CNTN4: variants seen among roughly 807,000 people sequenced by gnomAD.
CNTN4 encodes the protein contactin 4.
A neutral mutation model predicts 122.5 loss-of-function variants in CNTN4; 77 were observed. The ratio of observed to expected loss-of-function variants is 0.63; its 90% CI spans 0.52 to 0.76. The LOEUF (loss-of-function observed/expected upper bound fraction) is 0.76. CNTN4 is among the 30% of genes least tolerant of loss of function. The probability of loss-of-function intolerance (pLI) is 0.00; values close to 1 mark genes in which losing one functional copy is unlikely to be tolerated. For missense variants in CNTN4, 1,256 were observed against 1,259.1 expected (o/e 1.00, Z 0.04); for synonymous variants, 512 against 447.0 (o/e 1.15, Z -1.83).
intron 14 of CNTN4, among the ~76,000 whole-genome samples, chr3:3,013,744 A>C (rs576586805): frequency 1.2e-4 from 18 of 152,282 alleles, no homozygotes; most frequent in African/African-American, 4.3e-4. Context: ...TGCCTTGTAC[A>C]TCTTGCCTGC....
At chr3:2,708,630 C>G (rs903753110) in intron 4 of CNTN4, among the ~76,000 whole-genome samples, 1 of 152,066 alleles carries the variant, frequency 6.6e-6, no homozygotes, top group Non-Finnish European at 1.5e-5. Flanking sequence ...TATTCAAAAC[C>G]TTAAATCTGG....
chr3:2,249,541 A>C (rs76702624), intron 2 of CNTN4, among the ~76,000 whole-genome samples: 3,127 of 151,976 alleles, frequency 0.021, 111 homozygotes, highest in African/African-American at 0.071. Context: ...GGGCCAAATA[A>C]TCTAGCTTGT....
intron 2 of CNTN4, among the ~76,000 whole-genome samples, chr3:2,284,911 A>G (rs2149929426): frequency 6.6e-6 from 1 of 152,058 alleles, no homozygotes; most frequent in African/African-American, 2.4e-5. Flanking sequence ...CCACAGGGAG[A>G]TGACTTGAAA....
intron 10 of CNTN4, among the ~76,000 whole-genome samples, chr3:2,898,941 G>A (rs1463927986): frequency 6.6e-6 from 1 of 152,166 alleles, no homozygotes; most frequent in East Asian, 1.9e-4. Flanking sequence ...GGAAGATAAA[G>A]AACAAGGAAG....
intron 3 of CNTN4, among the ~76,000 whole-genome samples, chr3:2,526,519 C>T (rs974628998): frequency 6.6e-6 from 1 of 152,048 alleles, no homozygotes; most frequent in Admixed American, 6.6e-5. Flanking sequence ...AATGTGAAAA[C>T]TTACATAGTA....
At chr3:2,423,480 GT>G (rs199622494) in intron 3 of CNTN4, among the ~76,000 whole-genome samples, 3,180 of 114,152 alleles carry the variant, frequency 0.028, 77 homozygotes, top group African/African-American at 0.088. Context: ...GTGAAAACTT[GT>G]TTTTTTTTTT....
chr3:2,164,245 CAACA>C (rs2036096286), intron 2 of CNTN4, among the ~76,000 whole-genome samples: 1 of 151,324 alleles, frequency 6.6e-6, no homozygotes, highest in African/African-American at 2.4e-5. Context: ...AAAAAAACAA[CAACA>C]AAGTATACCC....
At chr3:2,397,660 A>G (rs576291623) in intron 3 of CNTN4, among the ~76,000 whole-genome samples, 126 of 152,284 alleles carry the variant, frequency 8.3e-4, no homozygotes, top group Middle Eastern at 3.4e-3. Flanking sequence ...AATGTAGCCA[A>G]TGGATTGGGG....
chr3:2,860,182 C>G (rs2093657666), intron 7 of CNTN4, among the ~76,000 whole-genome samples: 1 of 152,208 alleles, frequency 6.6e-6, no homozygotes, highest in South Asian at 2.1e-4. Flanking sequence ...GGCACCATTT[C>G]ATTTCTCCAA....
chr3:2,455,550 G>A (rs1018633206), intron 3 of CNTN4, among the ~76,000 whole-genome samples: 2 of 151,966 alleles, frequency 1.3e-5, no homozygotes, highest in African/African-American at 2.4e-5. Context: ...TCAGCGATCC[G>A]TTTTAACTGC....
intron 12 of CNTN4, among the ~76,000 whole-genome samples, chr3:2,919,416 A>T (rs986688451): frequency 6.6e-6 from 1 of 151,822 alleles, no homozygotes; most frequent in Non-Finnish European, 1.5e-5. Flanking sequence ...TAATTCTTCA[A>T]TAGGTTCATT....
intron 3 of CNTN4, among the ~76,000 whole-genome samples, chr3:2,528,928 A>G (rs1002015738): frequency 6.6e-6 from 1 of 152,130 alleles, no homozygotes; most frequent in Non-Finnish European, 1.5e-5. Flanking sequence ...CTGTCACCTC[A>G]ACATTCATCA....
chr3:2,279,804 A>T (rs1367429412), intron 2 of CNTN4, among the ~76,000 whole-genome samples: 4 of 151,510 alleles, frequency 2.6e-5, no homozygotes, highest in Non-Finnish European at 5.9e-5. Flanking sequence ...CTGTCTAAAA[A>T]TTCTCACAAT....
At chr3:2,124,957 T>A (rs953101303) in intron 2 of CNTN4, among the ~76,000 whole-genome samples, 3 of 152,218 alleles carry the variant, frequency 2.0e-5, no homozygotes, top group Non-Finnish European at 4.4e-5. Context: ...ATGTTTTTAC[T>A]GGTAAGATCA....
intron 2 of CNTN4, among the ~76,000 whole-genome samples, chr3:2,197,599 A>G (rs1434870125): frequency 6.6e-6 from 1 of 152,196 alleles, no homozygotes; most frequent in African/African-American, 2.4e-5. Context: ...ATCAATGGTC[A>G]GATCTGGATT....
intron 3 of CNTN4, among the ~76,000 whole-genome samples, chr3:2,492,664 A>G (rs1385047366): frequency 6.6e-6 from 1 of 152,168 alleles, no homozygotes; most frequent in Non-Finnish European, 1.5e-5. Context: ...TTGGCTTATT[A>G]TCAAATTTTC....
chr3:2,678,538 G>T (rs1244593379), intron 4 of CNTN4, among the ~76,000 whole-genome samples: 3 of 152,150 alleles, frequency 2.0e-5, no homozygotes, highest in Non-Finnish European at 4.4e-5. Context: ...GAGGGAAGGG[G>T]AAGTTGCTTG....
intron 2 of CNTN4, among the ~76,000 whole-genome samples, chr3:2,239,531 A>G (rs1157540410): frequency 6.6e-6 from 1 of 152,136 alleles, no homozygotes; most frequent in Admixed American, 6.5e-5. Flanking sequence ...TGCTCTTACA[A>G]GCTTTGGGAT....
intron 13 of CNTN4, among the ~76,000 whole-genome samples, chr3:2,958,295 C>T (rs1416612167): frequency 6.6e-6 from 1 of 152,072 alleles, no homozygotes; most frequent in Admixed American, 6.5e-5. Context: ...AGTGAGCACC[C>T]CATTTTATAT....
Sources: gnomAD v4.1 joint callset for allele counts (sites outside exome capture counted in the v4.1 genomes callset) on GRCh38, gnomAD v4.1.1 for gene constraint, MANE v1.5 for transcripts, NCBI Gene and HGNC (gene_info 2026-07-23, HGNC 2026-07-21) for gene names.